Variants in CADPS observed in about 807,000 individuals in gnomAD.
CADPS encodes calcium dependent secretion activator, also known as calcium-dependent secretion activator 1.
In CADPS, 57 loss-of-function variants were observed where a neutral mutation model predicts 167.3. That is an observed-to-expected ratio of 0.34 (90% CI 0.28 to 0.42). The LOEUF (loss-of-function observed/expected upper bound fraction) is 0.42, where lower values mean the gene tolerates loss of function less well. CADPS is among the 20% of genes least tolerant of loss of function. The pLI is 1.00. For missense variants in CADPS, 1,414 were observed against 1,738.1 expected, an observed-to-expected ratio of 0.81 and a Z score of 3.32; for synonymous variants, 676 against 635.3, an observed-to-expected ratio of 1.06 and a Z score of -0.96.
At chr3:62,491,241 AT>A in intron 21 of CADPS, 97 bp downstream of exon 21, 10 of 1,267,184 alleles carry the variant, frequency 7.9e-6, no homozygotes, top group Non-Finnish European at 1.1e-5. Context: ...TCTGTCCACA[AT>A]AACAGTGAAA....
At chr3:62,773,055 G>C (rs1402732129) in intron 1 of CADPS, among the ~76,000 whole-genome samples, 1 of 135,646 alleles carries the variant, frequency 7.4e-6, no homozygotes, top group Non-Finnish European at 1.6e-5. Context: ...TAGATAACTG[G>C]AAAAAAAGTC....
chr3:62,706,929 C>A (rs2082415245), intron 3 of CADPS, among the ~76,000 whole-genome samples: 1 of 152,068 alleles, frequency 6.6e-6, no homozygotes, highest in South Asian at 2.1e-4. Context: ...CACTAAAAGC[C>A]CAGACTTCCT....
At chr3:62,802,109 A>G (rs9854050) in intron 1 of CADPS, among the ~76,000 whole-genome samples, 123,649 of 152,072 alleles carry the variant, frequency 0.81, 51,857 homozygotes, top group East Asian at 0.98. Flanking sequence ...CAAATAATAT[A>G]TATCAGTGGA....
chr3:62,509,132 A>G (rs1470358468), intron 17 of CADPS, among the ~76,000 whole-genome samples: 1 of 151,850 alleles, frequency 6.6e-6, no homozygotes, highest in African/African-American at 2.4e-5. Context: ...GTAAAACCCC[A>G]TCTCTACTAA....
chr3:62,830,881 C>T (rs557792220), intron 1 of CADPS, among the ~76,000 whole-genome samples: 9 of 152,236 alleles, frequency 5.9e-5, no homozygotes, highest in South Asian at 4.1e-4. Flanking sequence ...ATGTAACATC[C>T]TCACATATCC....
At chr3:62,732,292 C>G (rs1210528515) in intron 3 of CADPS, among the ~76,000 whole-genome samples, 1 of 152,178 alleles carries the variant, frequency 6.6e-6, no homozygotes, top group African/African-American at 2.4e-5. Flanking sequence ...CAAACAGACT[C>G]TCTCTTGCTG....
At chr3:62,776,425 C>G (rs1028228717) in intron 1 of CADPS, among the ~76,000 whole-genome samples, 10 of 152,300 alleles carry the variant, frequency 6.6e-5, no homozygotes, top group African/African-American at 1.9e-4. Flanking sequence ...CGGGCCGAAG[C>G]AGGCGGATCA....
At chr3:62,558,340 A>G (rs1387700976) in intron 9 of CADPS, among the ~76,000 whole-genome samples, 1 of 152,130 alleles carries the variant, frequency 6.6e-6, no homozygotes, top group African/African-American at 2.4e-5. Context: ...GGACCCTGTC[A>G]CTCTAGTGCA....
chr3:62,801,510 T>A (rs558589379), intron 1 of CADPS, among the ~76,000 whole-genome samples: 2 of 152,320 alleles, frequency 1.3e-5, no homozygotes, highest in South Asian at 4.1e-4. Flanking sequence ...TTTATGCTTT[T>A]ATTCAGGAAA....
At chr3:62,509,198 G>A (rs545432432) in intron 17 of CADPS, among the ~76,000 whole-genome samples, 14 of 151,002 alleles carry the variant, frequency 9.3e-5, no homozygotes, top group South Asian at 4.2e-4. Flanking sequence ...CAGCCACTTC[G>A]GATGCTGAGA....
At chr3:62,731,744 C>T (rs80173652) in intron 3 of CADPS, among the ~76,000 whole-genome samples, 10,748 of 132,538 alleles carry the variant, frequency 0.081, 474 homozygotes, top group South Asian at 0.17. Flanking sequence ...AGGAGTGAAT[C>T]AGACAGGCTA....
At chr3:62,626,577 G>A (rs1353561075) in intron 6 of CADPS, 7 of 702,036 alleles carry the variant, frequency 1.0e-5, no homozygotes, top group Non-Finnish European at 1.8e-5. Flanking sequence ...GATTACCCTA[G>A]GAAGAAGTTC....
chr3:62,763,405 C>A (rs1025948908), intron 2 of CADPS, among the ~76,000 whole-genome samples: 2 of 152,244 alleles, frequency 1.3e-5, no homozygotes, highest in African/African-American at 4.8e-5. Flanking sequence ...AGATACCCAT[C>A]CCGCTGGTAA....
intron 1 of CADPS, among the ~76,000 whole-genome samples, chr3:62,846,956 C>G (rs2077550133): frequency 6.6e-6 from 1 of 152,210 alleles, no homozygotes; most frequent in African/African-American, 2.4e-5. Flanking sequence ...GCATGAGCCA[C>G]TCGCCCGGCT....
At chr3:62,658,887 G>T (rs747337341) in intron 4 of CADPS, among the ~76,000 whole-genome samples, 1 of 152,208 alleles carries the variant, frequency 6.6e-6, no homozygotes, top group Non-Finnish European at 1.5e-5. Flanking sequence ...GGATAAGAAA[G>T]AAATGATAAT....
At chr3:62,862,177 T>G (rs545797492) in intron 1 of CADPS, among the ~76,000 whole-genome samples, 1 of 151,992 alleles carries the variant, frequency 6.6e-6, no homozygotes, top group Admixed American at 6.6e-5. Flanking sequence ...AATTGTTAAA[T>G]TTAGTCCTCA....
intron 4 of CADPS, among the ~76,000 whole-genome samples, chr3:62,653,940 T>C (rs561762292): frequency 2.2e-4 from 34 of 152,246 alleles, no homozygotes; most frequent in African/African-American, 7.9e-4. Context: ...ACGCTGTGCA[T>C]GAATGTGAGG....
chr3:62,826,698 A>G (rs2074106921), intron 1 of CADPS, among the ~76,000 whole-genome samples: 1 of 152,070 alleles, frequency 6.6e-6, no homozygotes, highest in Non-Finnish European at 1.5e-5. Context: ...CTTTCATGGA[A>G]GTCACTGGAA....
At chr3:62,697,165 G>A (rs936018791) in intron 3 of CADPS, among the ~76,000 whole-genome samples, 14 of 152,030 alleles carry the variant, frequency 9.2e-5, no homozygotes, top group Admixed American at 1.3e-4. Flanking sequence ...TTGTTTACAT[G>A]AGTAAGTTCT....
Sources: gnomAD v4.1 joint callset for allele counts (sites outside exome capture counted in the v4.1 genomes callset) on GRCh38, gnomAD v4.1.1 for gene constraint, MANE v1.5 for transcripts, NCBI Gene and HGNC (gene_info 2026-07-23, HGNC 2026-07-21) for gene names.